The following NDUFAF6 variants were observed in gnomAD, a reference collection of about 807,000 sequenced individuals.
NDUFAF6 encodes the protein NADH dehydrogenase (ubiquinone) complex I, assembly factor 6.
In NDUFAF6, 45 loss-of-function variants were observed where a neutral mutation model predicts 40.8. The observed-to-expected ratio is 1.10, with a 90% CI of 0.87 to 1.42. NDUFAF6 has a LOEUF of 1.42. Ranked by LOEUF, NDUFAF6 falls within the 40% of genes most tolerant of loss-of-function variation. The pLI, the probability that NDUFAF6 is intolerant of heterozygous loss-of-function variation, is 0.00. For synonymous variants in NDUFAF6, 185 were observed against 155.9 expected (o/e 1.19, Z -1.39); for missense variants, 435 against 418.5 (o/e 1.04, Z -0.34).
intron 2 of NDUFAF6, among the ~76,000 whole-genome samples, chr8:95,008,684 T>C (rs1827105546): frequency 6.6e-6 from 1 of 152,076 alleles, no homozygotes; most frequent in Non-Finnish European, 1.5e-5. Context: ...TTTCTTTGTA[T>C]TTTTAGTAGA....
chr8:95,029,138 G>A (rs1363486371), intron 1 of NDUFAF6, among the ~76,000 whole-genome samples: 1 of 152,128 alleles, frequency 6.6e-6, no homozygotes, highest in Non-Finnish European at 1.5e-5. Flanking sequence ...CTGAATTTTA[G>A]TACCTAAACT....
At chr8:95,024,983 G>T (rs367775244), upstream of NDUFAF6, 3 of 1,305,724 alleles carry the variant, frequency 2.3e-6, no homozygotes, top group Non-Finnish European at 2.9e-6. Flanking sequence ...ACGGCGGGGG[G>T]TCGAAGGGCA....
At chr8:94,941,151 A>G (rs1821491859) in intron 1 of NDUFAF6, 2 of 507,356 alleles carry the variant, frequency 3.9e-6, no homozygotes, top group Non-Finnish European at 7.0e-6. Context: ...ATACATAAGT[A>G]CATACACATA....
At chr8:94,938,852 C>T (rs1454706369) in intron 1 of NDUFAF6, among the ~76,000 whole-genome samples, 2 of 152,238 alleles carry the variant, frequency 1.3e-5, no homozygotes, top group Non-Finnish European at 2.9e-5. Flanking sequence ...GTCGTGGGAA[C>T]ACCAGTTTAC....
intron 1 of NDUFAF6, chr8:94,930,507 T>C: frequency 1.2e-6 from 2 of 1,614,246 alleles, no homozygotes; most frequent in South Asian, 1.1e-5. Flanking sequence ...CGGGCAGGGC[T>C]GATGAACAAC....
chr8:95,050,785 G>A (rs944418637), intron 7 of NDUFAF6, among the ~76,000 whole-genome samples: 1 of 152,102 alleles, frequency 6.6e-6, no homozygotes, highest in Non-Finnish European at 1.5e-5. Flanking sequence ...AGATGTTTAT[G>A]TGTATATACA....
At chr8:95,025,487 A>G (rs1324301100) in intron 1 of NDUFAF6, among the ~76,000 whole-genome samples, 1 of 152,210 alleles carries the variant, frequency 6.6e-6, no homozygotes, top group Non-Finnish European at 1.5e-5. Context: ...TTTTGCATGA[A>G]TAACCTTTGT....
intron 2 of NDUFAF6, among the ~76,000 whole-genome samples, chr8:95,014,196 T>G (rs1460086311): frequency 3.3e-5 from 5 of 152,226 alleles, no homozygotes; most frequent in African/African-American, 2.4e-5. Flanking sequence ...TTTATTATGG[T>G]AGCCCTAGGC....
chr8:95,095,473 G>A (rs765619937), upstream of NDUFAF6, among the ~76,000 whole-genome samples: 1 of 152,102 alleles, frequency 6.6e-6, no homozygotes, highest in African/African-American at 2.4e-5. Context: ...CTGAACCCCA[G>A]GGTGGAGTGC....
At chr8:94,969,882 A>G (rs1448181480) in intron 1 of NDUFAF6, among the ~76,000 whole-genome samples, 5 of 152,218 alleles carry the variant, frequency 3.3e-5, no homozygotes, top group Admixed American at 3.3e-4. Context: ...ATGAACAGAC[A>G]GTTTGAAAAG....
rs1307126894 is a variant in NDUFAF6 at position 95,025,074 on chromosome 8, C to A, written c.66C>A (p.Cys22Ter). 1 of 1,445,454 alleles carries A rather than the reference C, an allele frequency of 6.9e-7. No homozygotes were observed. The highest frequency in any genetic ancestry group is 9.0e-7 in the Non-Finnish European group (1 of 1,109,820). 89.5% of individuals were successfully genotyped at this position (1,445,454 alleles called of 1,614,324 possible). ...PLRLGIPGLCCRRPPLGLYAR... is the reference protein window; with the variant it reads ...PLRLGIPGLC Reference sequence around the variant, plus strand: ...GGCTTGGCATCCCCGGCCTGTGCTGCCGCCGGCCGCCTCTGGGTCTGTACG... The same window carrying A: ...GGCTTGGCATCCCCGGCCTGTGCTGACGCCGGCCGCCTCTGGGTCTGTACG... Residue 22 changes from cysteine (C) to a stop codon, truncating the protein, a stop_gained, in exon 1 of 9, where the codon TGC becomes TGA. Transcript: ENST00000396124. LOFTEE classifies it high-confidence loss of function.
At chr8:95,018,860 A>G (rs1244604750) in intron 2 of NDUFAF6, among the ~76,000 whole-genome samples, 1 of 152,242 alleles carries the variant, frequency 6.6e-6, no homozygotes, top group Non-Finnish European at 1.5e-5. Flanking sequence ...TGATGATCAC[A>G]GATATGCTAT....
intron 1 of NDUFAF6, among the ~76,000 whole-genome samples, chr8:94,915,858 C>T (rs1286735123): frequency 6.6e-6 from 1 of 152,168 alleles, no homozygotes; most frequent in Admixed American, 6.5e-5. Context: ...AGGAGGACTA[C>T]AGAATAAGTG....
chr8:94,942,929 A>G (rs1821682998), intron 1 of NDUFAF6, among the ~76,000 whole-genome samples: 1 of 152,206 alleles, frequency 6.6e-6, no homozygotes, highest in African/African-American at 2.4e-5. Flanking sequence ...GTAAGCCTGG[A>G]AAAGGGGAAG....
chr8:95,018,314 G>T (rs1206435469), intron 2 of NDUFAF6, among the ~76,000 whole-genome samples: 1 of 151,820 alleles, frequency 6.6e-6, no homozygotes, highest in Non-Finnish European at 1.5e-5. Flanking sequence ...GGTGATTACA[G>T]GTGTGAGCTA....
chr8:95,090,146 G>T (rs1225265855), intron 2 of NDUFAF6, among the ~76,000 whole-genome samples: 2 of 36,538 alleles, frequency 5.5e-5, no homozygotes, highest in Non-Finnish European at 9.2e-5. Flanking sequence ...TTCAGATTAT[G>T]TCTGTCTATT....
chr8:94,956,917 T>C (rs903452494), upstream of NDUFAF6, among the ~76,000 whole-genome samples: 1 of 152,170 alleles, frequency 6.6e-6, no homozygotes, highest in African/African-American at 2.4e-5. Flanking sequence ...ATGCCTGTAA[T>C]CACAGCACTT....
chr8:95,087,082 A>ATTTT (rs1809074498), intron 2 of NDUFAF6, among the ~76,000 whole-genome samples: 1 of 149,832 alleles, frequency 6.7e-6, no homozygotes, highest in Non-Finnish European at 1.5e-5. Flanking sequence ...TTTTTTTTTA[A>ATTTT]AAAATTCTGC....
At chr8:95,096,792 ATACCAGGTTCAT>A (rs1809477401), upstream of NDUFAF6, among the ~76,000 whole-genome samples, 1 of 152,232 alleles carries the variant, frequency 6.6e-6, no homozygotes, top group African/African-American at 2.4e-5. Flanking sequence ...CAAAACTGCC[ATACCAGGTTCAT>A]TACCTGAGTT....
Sources: gnomAD v4.1 joint callset for allele counts (sites outside exome capture counted in the v4.1 genomes callset) on GRCh38, gnomAD v4.1.1 for gene constraint, MANE v1.5 for transcripts, NCBI Gene and HGNC (gene_info 2026-07-23, HGNC 2026-07-21) for gene names.